METAP1D: variants seen among roughly 807,000 people sequenced by gnomAD.
The protein encoded by METAP1D is methionyl aminopeptidase type 1D, mitochondrial, also known as methionine aminopeptidase 1D, mitochondrial.
In METAP1D, 31 loss-of-function variants were observed where a neutral mutation model predicts 40.5. The ratio of observed to expected loss-of-function variants is 0.77; its 90% CI spans 0.58 to 1.03. METAP1D has a LOEUF of 1.03. METAP1D is among the 50% of genes least tolerant of loss of function. The probability of loss-of-function intolerance (pLI) is 0.00; values close to 1 mark genes in which losing one functional copy is unlikely to be tolerated. For missense variants in METAP1D, 411 were observed against 420.7 expected, an observed-to-expected ratio of 0.98 and a Z score of 0.20; for synonymous variants, 151 against 146.4, an observed-to-expected ratio of 1.03 and a Z score of -0.22.
intron 1 of METAP1D, among the ~76,000 whole-genome samples, chr2:172,049,927 CGAT>C (rs1296608255): frequency 6.6e-6 from 1 of 152,180 alleles, no homozygotes; most frequent in Non-Finnish European, 1.5e-5. Context: ...CAAAATACCA[CGAT>C]AAGATTGATA....
intron 1 of METAP1D, among the ~76,000 whole-genome samples, chr2:172,030,281 G>A (rs1689210659): frequency 1.3e-5 from 2 of 151,694 alleles, no homozygotes; most frequent in South Asian, 2.1e-4. Context: ...TATTAGAGAC[G>A]GGGTTTCTTT....
chr2:172,037,419 A>T (rs961749831), intron 1 of METAP1D, among the ~76,000 whole-genome samples: 2 of 150,692 alleles, frequency 1.3e-5, no homozygotes, highest in East Asian at 2.0e-4. Context: ...AGAAAAAAAA[A>T]TAGTAAAGCT....
chr2:172,044,404 C>A (rs866404937), intron 1 of METAP1D, among the ~76,000 whole-genome samples: 157 of 69,174 alleles, frequency 2.3e-3, no homozygotes, highest in South Asian at 2.6e-3. Flanking sequence ...CTTAAAAATA[C>A]AAAAAAAAAA....
intron 1 of METAP1D, among the ~76,000 whole-genome samples, chr2:172,014,196 C>T (rs770097034): frequency 6.6e-6 from 1 of 151,940 alleles, no homozygotes. Context: ...CTGCAACCTC[C>T]ACCTCCTGGG....
chr2:172,055,831 T>C (rs527608296), intron 1 of METAP1D, among the ~76,000 whole-genome samples: 1 of 152,312 alleles, frequency 6.6e-6, no homozygotes, highest in East Asian at 1.9e-4. Flanking sequence ...AGATTGGATA[T>C]GTTCAGGCTG....
intron 3 of METAP1D, chr2:172,064,168 G>T: frequency 4.6e-6 from 1 of 218,008 alleles, no homozygotes; most frequent in Non-Finnish European, 8.9e-6. Flanking sequence ...TTTGATTTTT[G>T]CCCCCCTACT....
intron 1 of METAP1D, among the ~76,000 whole-genome samples, chr2:172,053,827 T>A (rs1689941553): frequency 6.6e-6 from 1 of 152,210 alleles, no homozygotes; most frequent in Non-Finnish European, 1.5e-5. Context: ...GTAACGTAAC[T>A]GAGGATTGAT....
chr2:172,046,929 A>G (rs1689775666), intron 1 of METAP1D, among the ~76,000 whole-genome samples: 1 of 152,230 alleles, frequency 6.6e-6, no homozygotes, highest in Non-Finnish European at 1.5e-5. Flanking sequence ...ATTTAAAGGT[A>G]CTGAATTTAG....
chr2:172,010,493 CT>C (rs759651661), intron 1 of METAP1D, among the ~76,000 whole-genome samples: 225 of 88,970 alleles, frequency 2.5e-3, no homozygotes, highest in African/African-American at 6.5e-3. Flanking sequence ...CTTCTTTCCT[CT>C]TTTTTTTTTT....
At chr2:172,045,815 GTGTGTA>G (rs1313940415) in intron 1 of METAP1D, among the ~76,000 whole-genome samples, 784 of 24,114 alleles carry the variant, frequency 0.033, 2 homozygotes, top group Non-Finnish European at 0.047. Context: ...GTGTGTGTGT[GTGTGTA>G]TATATATATA....
chr2:172,040,104 C>A (rs1215165497), intron 1 of METAP1D, among the ~76,000 whole-genome samples: 2 of 151,594 alleles, frequency 1.3e-5, no homozygotes, highest in African/African-American at 2.4e-5. Context: ...ATTACAGGCG[C>A]TCGCCATCAC....
chr2:172,062,404 T>G (rs935900945), intron 2 of METAP1D, among the ~76,000 whole-genome samples: 63 of 152,244 alleles, frequency 4.1e-4, no homozygotes, highest in African/African-American at 1.5e-3. Flanking sequence ...ATGTATCCCC[T>G]GGCCTGGCCA....
rs1415648366 is a variant in METAP1D at position 172,082,356 on chromosome 2, T to C, written c.*1950T>C. 6.6e-6 allele frequency: 1 copy of C among 152,256 alleles called. No homozygotes were observed. The highest frequency in any genetic ancestry group is 2.4e-5 in the African/African-American group (1 of 41,468). 9.4% of individuals were successfully genotyped at this position (152,256 alleles called of 1,614,324 possible). On this transcript the variant is annotated 3_prime_UTR_variant, in exon 10 of 10. Coordinates refer to ENST00000315796, the MANE Select transcript of METAP1D (RefSeq NM_199227.3). ...AACCACTGAGGTAACACGCTGCTTGTGCAGCAATTATTTTGAGGTGGAGGT... is the reference window on the plus strand; with the variant it reads ...AACCACTGAGGTAACACGCTGCTTGCGCAGCAATTATTTTGAGGTGGAGGT...
chr2:172,017,139 T>A (rs1260651141), intron 1 of METAP1D, among the ~76,000 whole-genome samples: 1 of 151,774 alleles, frequency 6.6e-6, no homozygotes, highest in Admixed American at 6.6e-5. Context: ...TCTGGAGGAG[T>A]TCCTCAAGTT....
At chr2:172,066,622 G>GAGC (rs1690287748) in intron 5 of METAP1D, among the ~76,000 whole-genome samples, 1 of 152,210 alleles carries the variant, frequency 6.6e-6, no homozygotes, top group South Asian at 2.1e-4. Flanking sequence ...AGTTAACGCA[G>GAGC]AGCACCACAG....
rs933023940 is a variant in METAP1D, at chr2:172,017,341, A to G, written c.40+17332A>G. Among the ~76,000 whole-genome samples, 4 of 150,084 alleles carry G rather than the reference A, an allele frequency of 2.7e-5. No individual in the cohort carries two copies. In the South Asian group the frequency reaches 6.3e-4, roughly 23 times the overall value. On this transcript the variant is annotated intron_variant, in intron 1 of 9. Coordinates refer to ENST00000315796, the MANE Select transcript of METAP1D (RefSeq NM_199227.3). ...GACAGACATATATATGTGTATATAT[A>G]TGTGTATATATAGGTATATATGTAT...
chr2:172,055,912 T>C (rs1689992767), intron 1 of METAP1D, among the ~76,000 whole-genome samples: 1 of 152,194 alleles, frequency 6.6e-6, no homozygotes, highest in Non-Finnish European at 1.5e-5. Flanking sequence ...GCAGTGAGGC[T>C]GTCATTTGGC....
chr2:172,036,100 T>TTG (rs1689370808), intron 1 of METAP1D, among the ~76,000 whole-genome samples: 2 of 151,890 alleles, frequency 1.3e-5, no homozygotes, highest in Non-Finnish European at 2.9e-5. Context: ...GGCGGATCAC[T>TTG]AGGTCAGGAG....
At position 172,081,129 on chromosome 2, in the gene METAP1D, C is replaced by G. The variant is rs1690702339; in HGVS notation, c.*723C>G. 6.5e-6 allele frequency: 1 copy of G among 153,384 alleles called. No homozygotes were observed. The highest frequency in any genetic ancestry group is 2.4e-5 in the African/African-American group (1 of 41,462). 9.5% of individuals were successfully genotyped at this position (153,384 alleles called of 1,614,324 possible). A position where few individuals can be genotyped will look rare whatever the true frequency, so the allele number is the denominator to read the frequency against. On this transcript the variant is annotated 3_prime_UTR_variant, in exon 10 of 10. Transcript: ENST00000315796. Reference sequence around the variant, plus strand: ...TCTTCCTCCCCCGCCCACATCCAGCCCTCCAAGGCCAGTCCAGAGGTGAAG... The same window carrying G: ...TCTTCCTCCCCCGCCCACATCCAGCGCTCCAAGGCCAGTCCAGAGGTGAAG...
Sources: gnomAD v4.1 joint callset for allele counts (sites outside exome capture counted in the v4.1 genomes callset) on GRCh38, gnomAD v4.1.1 for gene constraint, MANE v1.5 for transcripts, NCBI Gene and HGNC (gene_info 2026-07-23, HGNC 2026-07-21) for gene names.